The following MLF1 variants were observed in gnomAD, a reference collection of about 807,000 sequenced individuals.
The protein encoded by MLF1 is myelodysplasia-myeloid leukemia factor 1.
Under a neutral mutation model 38.3 loss-of-function variants are expected in MLF1, and 37 were observed. That is an observed-to-expected ratio of 0.96 (90% confidence interval 0.74 to 1.27). The LOEUF (loss-of-function observed/expected upper bound fraction) is 1.27, where lower values mean the gene tolerates loss of function less well. MLF1 is among the 50% of genes most tolerant of loss of function. The pLI is 0.00. For synonymous variants in MLF1, 95 were observed against 106.5 expected (o/e 0.89, Z 0.66); for missense variants, 331 against 349.2 (o/e 0.95, Z 0.42).
intron 1 of MLF1, among the ~76,000 whole-genome samples, chr3:158,591,363 T>G (rs917332564): frequency 6.6e-6 from 1 of 151,972 alleles, no homozygotes; most frequent in African/African-American, 2.4e-5. Flanking sequence ...TTTTACCATG[T>G]TGGCCAGGCT....
At chr3:158,576,864 G>A (rs776481175) in intron 1 of MLF1, among the ~76,000 whole-genome samples, 2 of 151,870 alleles carry the variant, frequency 1.3e-5, no homozygotes, top group African/African-American at 2.4e-5. Context: ...AGTAGATACC[G>A]GGTTTCACTA....
chr3:158,575,451 T>G (rs1715282871), intron 1 of MLF1, among the ~76,000 whole-genome samples: 1 of 152,178 alleles, frequency 6.6e-6, no homozygotes, highest in African/African-American at 2.4e-5. Context: ...AAAAAGAATA[T>G]GAGTTTATGT....
In MLF1 at chr3:158,593,319, T is replaced by C. The variant is rs925648561; in HGVS notation, c.196-63T>C. 2.2e-5 allele frequency: 28 copies of C among 1,268,996 alleles called. No individual in the cohort carries two copies. In the African/African-American group the frequency reaches 4.1e-4, roughly 18 times the overall value. The allele number at this position is 1,268,996 out of a possible 1,614,324, so 78.6% of individuals were successfully genotyped here. A position where few individuals can be genotyped will look rare whatever the true frequency, so the allele number is the denominator to read the frequency against. On this transcript the variant is annotated intron_variant, in intron 2 of 7. Transcript: ENST00000466246. ...TGAAATTCAGTAAACATTTAATTGGTAAATTGAGAAACTTCTATATAATAA... is the reference window on the plus strand; with the variant it reads ...TGAAATTCAGTAAACATTTAATTGGCAAATTGAGAAACTTCTATATAATAA...
chr3:158,572,394 A>T (rs1371928888), intron 1 of MLF1, among the ~76,000 whole-genome samples: 1 of 89,002 alleles, frequency 1.1e-5, no homozygotes, highest in African/African-American at 4.7e-5. Context: ...GCAGGGGAGG[A>T]TTGAGGGCAT....
At chr3:158,587,280 C>G (rs552790742) in intron 1 of MLF1, among the ~76,000 whole-genome samples, 6 of 152,258 alleles carry the variant, frequency 3.9e-5, no homozygotes, top group African/African-American at 1.4e-4. Context: ...TTGGAGAAAG[C>G]ATGTCTTTAG....
intron 3 of MLF1, among the ~76,000 whole-genome samples, chr3:158,595,502 T>A (rs765699184): frequency 6.6e-6 from 1 of 152,292 alleles, no homozygotes; most frequent in East Asian, 1.9e-4. Flanking sequence ...TCTCTCTTTT[T>A]ATCCTTCTTT....
intron 1 of MLF1, among the ~76,000 whole-genome samples, chr3:158,574,523 A>AAACAAAAAC (rs1553830590): frequency 2.6e-5 from 3 of 115,696 alleles, no homozygotes; most frequent in African/African-American, 8.8e-5. Context: ...AAAAAAAAAA[A>AAACAAAAAC]AAAATACAAA....
chr3:158,587,098 T>C (rs1717352193), intron 1 of MLF1, among the ~76,000 whole-genome samples: 1 of 152,242 alleles, frequency 6.6e-6, no homozygotes, highest in African/African-American at 2.4e-5. Flanking sequence ...ATAGACTGAA[T>C]GCTTGCTAAA....
intron 1 of MLF1, among the ~76,000 whole-genome samples, chr3:158,584,667 G>GTGTT (rs145296437): frequency 0.16 from 20,214 of 129,618 alleles, 1,429 homozygotes; most frequent in South Asian, 0.22. Context: ...AAGTGTGTGT[G>GTGTT]TGTGTGTGTG....
At chr3:158,604,995 A>C in intron 7 of MLF1, 102 bp from the exon 8 acceptor site, 1 of 900,590 alleles carries the variant, frequency 1.1e-6, no homozygotes, top group Admixed American at 2.8e-5. Context: ...TTTTAAGATA[A>C]AACTTTTCTT....
At chr3:158,597,137 T>C (rs960167185) in intron 4 of MLF1, among the ~76,000 whole-genome samples, 192 bp downstream of exon 4, 4 of 152,098 alleles carry the variant, frequency 2.6e-5, no homozygotes, top group African/African-American at 9.7e-5. Flanking sequence ...GACTATACTA[T>C]TTACAGTATA....
At chr3:158,585,930 G>A (rs1302237058) in intron 1 of MLF1, among the ~76,000 whole-genome samples, 2 of 152,294 alleles carry the variant, frequency 1.3e-5, no homozygotes, top group African/African-American at 4.8e-5. Flanking sequence ...GGGATGCTGA[G>A]GTGGATGGAT....
intron 1 of MLF1, among the ~76,000 whole-genome samples, chr3:158,581,668 A>G (rs910375574): frequency 3.9e-5 from 6 of 152,216 alleles, no homozygotes; most frequent in African/African-American, 1.4e-4. Context: ...ACAAAATATT[A>G]CGAGGCATAC....
At chr3:158,582,008 C>T (rs964502100) in intron 1 of MLF1, among the ~76,000 whole-genome samples, 10 of 152,048 alleles carry the variant, frequency 6.6e-5, no homozygotes, top group South Asian at 4.1e-4. Flanking sequence ...GGCAAAATCC[C>T]GTCTCTACTA....
intron 6 of MLF1, among the ~76,000 whole-genome samples, chr3:158,602,041 C>A (rs896490977): frequency 6.6e-5 from 10 of 151,994 alleles, no homozygotes; most frequent in Admixed American, 2.0e-4. Context: ...TGGTCTTGAT[C>A]TCCTGACCTT....
chr3:158,579,308 T>G (rs1190051960), intron 1 of MLF1, among the ~76,000 whole-genome samples: 1 of 152,134 alleles, frequency 6.6e-6, no homozygotes, highest in East Asian at 1.9e-4. Flanking sequence ...TTGATAAAAG[T>G]GAATTCAAAC....
At chr3:158,587,650 A>G (rs1387002264) in intron 1 of MLF1, among the ~76,000 whole-genome samples, 2 of 152,238 alleles carry the variant, frequency 1.3e-5, no homozygotes, top group African/African-American at 2.4e-5. Context: ...ATTTGTTTCT[A>G]ATAAACAGAA....
At chr3:158,588,076 C>T (rs779332446) in intron 1 of MLF1, among the ~76,000 whole-genome samples, 119 of 152,282 alleles carry the variant, frequency 7.8e-4, no homozygotes, top group African/African-American at 2.8e-3. Context: ...TGGCTTACTT[C>T]GGGGAAAGAG....
chr3:158,591,852 TTTA>T (rs1043714906), intron 1 of MLF1, among the ~76,000 whole-genome samples: 1 of 152,310 alleles, frequency 6.6e-6, no homozygotes, highest in Admixed American at 6.5e-5. Flanking sequence ...AGATGTTTTT[TTTA>T]TTATGCATTA....
Sources: gnomAD v4.1 joint callset for allele counts (sites outside exome capture counted in the v4.1 genomes callset) on GRCh38, gnomAD v4.1.1 for gene constraint, MANE v1.5 for transcripts, NCBI Gene and HGNC (gene_info 2026-07-23, HGNC 2026-07-21) for gene names.